The following MTURN variants were observed in gnomAD, a reference collection of about 807,000 sequenced individuals.
The protein encoded by MTURN is maturin.
MTURN carries 7 observed loss-of-function variants against 14.9 expected under a neutral mutation model. The observed-to-expected ratio is 0.47, with a 90% CI of 0.27 to 0.88. The LOEUF (loss-of-function observed/expected upper bound fraction) is 0.88, where lower values mean the gene tolerates loss of function less well. Among genes scored for constraint, MTURN ranks in the 40% least tolerant of loss-of-function variants. The pLI is 0.14. For missense variants in MTURN, 151 were observed against 174.1 expected (o/e 0.87, Z 0.75); for synonymous variants, 69 against 72.5 (o/e 0.95, Z 0.25).
chr7:30,138,543 G>T lies in MTURN; in HGVS notation c.162+3245G>T, dbSNP rs530589160. On this transcript the variant is annotated intron_variant, in intron 1 of 2. Transcript: ENST00000324453. ...GTCTAAGCCACTGTCATTTTTCATC[G>T]TGTCTCCTAATTTGTCTCCTTGCTT... Among the ~76,000 whole-genome samples, 11 of 152,080 alleles carry T rather than the reference G, an allele frequency of 7.2e-5. No homozygotes were observed. In the South Asian group the frequency reaches 1.9e-3, roughly 26 times the overall value.
chr7:30,146,000 T>A lies in MTURN; in HGVS notation c.163-177T>A, dbSNP rs754499259. The A allele has an allele frequency of 2.8e-5, 44 of 1,549,172 alleles. 1 individual carries two copies. The Admixed American group carries it at 8.4e-4, about 30-fold the overall frequency. On this transcript the variant is annotated intron_variant, in intron 1 of 2. Coordinates refer to ENST00000324453, the MANE Select transcript of MTURN (RefSeq NM_152793.3). ...TCGGGGGCTTCTATAGATTAGACAT[T>A]TTTTCTTCCCTTTCAACGCAAACAA...
chr7:30,135,883 A>G (rs1044282766), intron 1 of MTURN, among the ~76,000 whole-genome samples: 5 of 152,238 alleles, frequency 3.3e-5, no homozygotes, highest in African/African-American at 1.2e-4. Context: ...AGCTCTGTCC[A>G]TACTAGCGAT....
chr7:30,160,250 C>T lies in MTURN; in HGVS notation c.*2702C>T, dbSNP rs1473738718. On this transcript the variant is annotated 3_prime_UTR_variant, in exon 3 of 3. Coordinates refer to ENST00000324453, the MANE Select transcript of MTURN (RefSeq NM_152793.3). ...TGCCTTTAGGATGCTGACCCCTGCA[C>T]TACCTTAGAACATGTTGATCTGTGA... The T allele has an allele frequency of 6.6e-6, 1 of 152,322 alleles. No homozygotes were observed. 9.4% of individuals were successfully genotyped at this position (152,322 alleles called of 1,614,324 possible). A position where few individuals can be genotyped will look rare whatever the true frequency, so the allele number is the denominator to read the frequency against.
intron 2 of MTURN, among the ~76,000 whole-genome samples, chr7:30,151,130 C>T (rs1797205494): frequency 6.6e-6 from 1 of 152,210 alleles, no homozygotes; most frequent in African/African-American, 2.4e-5. Context: ...CTCCAGTGAC[C>T]TCCTACTTGC....
chr7:30,150,626 G>A (rs983604913), intron 2 of MTURN, among the ~76,000 whole-genome samples: 1 of 152,190 alleles, frequency 6.6e-6, no homozygotes. Flanking sequence ...CAGCGTATTC[G>A]AAGGGCTAGG....
intron 2 of MTURN, among the ~76,000 whole-genome samples, chr7:30,150,644 G>T (rs1797197129): frequency 6.6e-6 from 1 of 152,244 alleles, no homozygotes; most frequent in African/African-American, 2.4e-5. Context: ...AGGAGTATCA[G>T]TGTGAGCAGG....
chr7:30,156,009 C>A (rs1161521914), intron 2 of MTURN, among the ~76,000 whole-genome samples: 1 of 152,118 alleles, frequency 6.6e-6, no homozygotes, highest in Non-Finnish European at 1.5e-5. Flanking sequence ...TGGCCCTGGA[C>A]ACCCCTATGT....
rs1365358351 is a variant in MTURN, at chr7:30,135,013, GCCGGCCCAGC to G, written c.-116_-107del. 73 of 857,812 alleles carry G rather than the reference GCCGGCCCAGC, an allele frequency of 8.5e-5. No individual in the cohort carries two copies. The highest frequency in any genetic ancestry group is 8.4e-5 in the Non-Finnish European group (59 of 699,024). The allele number at this position is 857,812 out of a possible 1,614,324, so 53.1% of individuals were successfully genotyped here. The stretch of plus-strand genomic sequence containing the variant: ...TCCGCACCGCATGTAAACAGTCCCA[GCCGGCCCAGC>G]CCGGCCCCGGAGGAGCCCGCGCAGG... On this transcript the variant is annotated 5_prime_UTR_variant, in exon 1 of 3. Coordinates refer to ENST00000324453, the MANE Select transcript of MTURN (RefSeq NM_152793.3).
chr7:30,135,956 G>A (rs1444902514), intron 1 of MTURN, among the ~76,000 whole-genome samples: 2 of 150,834 alleles, frequency 1.3e-5, no homozygotes, highest in East Asian at 3.9e-4. Flanking sequence ...ACGCGCGCCT[G>A]CGCATACACC....
chr7:30,155,327 A>G (rs1264747687), intron 2 of MTURN, among the ~76,000 whole-genome samples: 1 of 152,150 alleles, frequency 6.6e-6, no homozygotes, highest in Non-Finnish European at 1.5e-5. Context: ...TAGTATTTAT[A>G]TTTTACCAGC....
chr7:30,152,884 A>G (rs981837239), intron 2 of MTURN, among the ~76,000 whole-genome samples: 3 of 152,092 alleles, frequency 2.0e-5, no homozygotes, highest in African/African-American at 4.8e-5. Flanking sequence ...TTCTGGTGCA[A>G]CCTGTTTGGA....
chr7:30,155,061 A>G (rs539978675), intron 2 of MTURN, among the ~76,000 whole-genome samples: 3 of 152,320 alleles, frequency 2.0e-5, no homozygotes, highest in African/African-American at 7.2e-5. Flanking sequence ...CCCATGGTAC[A>G]TCTCTTTTGG....
In MTURN at chr7:30,157,428, C is replaced by T; in HGVS notation, c.286-10C>T. The T allele has an allele frequency of 6.3e-7, 1 of 1,587,254 alleles. No individual in the cohort carries two copies. The highest frequency in any genetic ancestry group is 8.6e-7 in the Non-Finnish European group (1 of 1,168,764). On this transcript the variant is annotated splice_polypyrimidine_tract_variant and intron_variant, in intron 2 of 2. Transcript: ENST00000324453. ...CTCACAGCTGCTTTTCTCTTGTTCTCTCCCTGTAGTTACTGGGGCTTCCGG... is the reference window on the plus strand; with the variant it reads ...CTCACAGCTGCTTTTCTCTTGTTCTTTCCCTGTAGTTACTGGGGCTTCCGG...
chr7:30,152,505 T>G (rs981363547), intron 2 of MTURN, among the ~76,000 whole-genome samples: 2 of 152,228 alleles, frequency 1.3e-5, no homozygotes, highest in African/African-American at 4.8e-5. Flanking sequence ...CATCTGCGTT[T>G]GAGGTAGATT....
intron 1 of MTURN, chr7:30,137,420 CG>C: frequency 3.0e-6 from 1 of 335,150 alleles, no homozygotes; most frequent in South Asian, 2.4e-5. Flanking sequence ...ATCCAACCAT[CG>C]TTCAGAAGTA....
chr7:30,142,445 A>G (rs1366813443), intron 1 of MTURN, among the ~76,000 whole-genome samples: 1 of 151,662 alleles, frequency 6.6e-6, no homozygotes, highest in Non-Finnish European at 1.5e-5. Flanking sequence ...ACCACCCACA[A>G]CCCCCTTCAA....
rs2128034910 is a variant in MTURN at position 30,159,260 on chromosome 7, C to T, written c.*1712C>T. The T allele has an allele frequency of 6.6e-6, 1 of 152,284 alleles. No homozygotes were observed. The highest frequency in any genetic ancestry group is 1.5e-5 in the Non-Finnish European group (1 of 68,028). The allele number at this position is 152,284 out of a possible 1,614,324, so 9.4% of individuals were successfully genotyped here. A position where few individuals can be genotyped will look rare whatever the true frequency, so the allele number is the denominator to read the frequency against. On this transcript the variant is annotated 3_prime_UTR_variant, in exon 3 of 3. Transcript: ENST00000324453. The stretch of plus-strand genomic sequence containing the variant: ...TTTCATCCATTGGGGTGAGCATATA[C>T]TGCCCTTTGCAGCCCTGCCTGTGTT...
chr7:30,150,315 G>T (rs139783953), intron 2 of MTURN, among the ~76,000 whole-genome samples: 110 of 152,306 alleles, frequency 7.2e-4, no homozygotes, highest in African/African-American at 2.6e-3. Flanking sequence ...TTGGTGGAGA[G>T]AGAAAACAAT....
At chr7:30,153,579 C>T (rs1797242564) in intron 2 of MTURN, among the ~76,000 whole-genome samples, 1 of 152,150 alleles carries the variant, frequency 6.6e-6, no homozygotes, top group Non-Finnish European at 1.5e-5. Context: ...AGGCAAGTTA[C>T]TCAACCTCTT....
Sources: allele counts gnomAD v4.1 joint callset (sites outside exome capture counted in the v4.1 genomes callset), GRCh38; gene constraint gnomAD v4.1.1; transcripts MANE v1.5; gene names NCBI Gene and HGNC (gene_info 2026-07-23, HGNC 2026-07-21).